Variants in RUFY2 observed in about 807,000 individuals in gnomAD.
The protein encoded by RUFY2 is RUN and FYVE domain-containing protein 2.
RUFY2 carries 49 observed loss-of-function variants against 94.4 expected under a neutral mutation model. The ratio of observed to expected loss-of-function variants is 0.52; its 90% CI spans 0.41 to 0.66. The LOEUF (loss-of-function observed/expected upper bound fraction) is 0.66, where lower values mean the gene tolerates loss of function less well. RUFY2 is among the 30% of genes least tolerant of loss of function. The pLI, the probability that RUFY2 is intolerant of heterozygous loss-of-function variation, is 0.00. For synonymous variants in RUFY2, 255 were observed against 235.7 expected, an observed-to-expected ratio of 1.08 and a Z score of -0.75; for missense variants, 541 against 692.8, an observed-to-expected ratio of 0.78 and a Z score of 2.46.
chr10:68,400,589 T>C (rs1196022388), intron 3 of RUFY2, among the ~76,000 whole-genome samples: 1 of 150,834 alleles, frequency 6.6e-6, no homozygotes, highest in East Asian at 2.0e-4. Context: ...GGCAGGAAAG[T>C]TGCTTGAACC....
At chr10:68,399,385 T>G (rs1294343643) in intron 3 of RUFY2, among the ~76,000 whole-genome samples, 1 of 152,218 alleles carries the variant, frequency 6.6e-6, no homozygotes, top group African/African-American at 2.4e-5. Flanking sequence ...AAATCCTGCC[T>G]CTGCCACTTT....
intron 13 of RUFY2, among the ~76,000 whole-genome samples, chr10:68,368,874 A>G (rs1270774575): frequency 6.6e-6 from 1 of 152,202 alleles, no homozygotes; most frequent in Non-Finnish European, 1.5e-5. Context: ...TTCCCGGGCC[A>G]AAGGGCCAGG....
At chr10:68,362,371 T>C (rs985321059) in intron 15 of RUFY2, among the ~76,000 whole-genome samples, 1 of 152,040 alleles carries the variant, frequency 6.6e-6, no homozygotes, top group Non-Finnish European at 1.5e-5. Context: ...AAAACGACTA[T>C]ATATTTTAAA....
intron 13 of RUFY2, among the ~76,000 whole-genome samples, chr10:68,367,580 G>A (rs1342342113): frequency 6.6e-6 from 1 of 152,042 alleles, no homozygotes; most frequent in African/African-American, 2.4e-5. Flanking sequence ...TCATCTTGCC[G>A]AGCAGCTGGG....
chr10:68,341,783 T>C (rs1238768477), downstream of RUFY2: 1 of 1,608,712 alleles, frequency 6.2e-7, no homozygotes, highest in East Asian at 2.2e-5. Context: ...TATGGATCAG[T>C]TGGAAGAATG....
At chr10:68,393,330 CATAAGA>C in intron 6 of RUFY2, 127 bp from the exon 7 acceptor site, 3 of 540,528 alleles carry the variant, frequency 5.6e-6, no homozygotes, top group Non-Finnish European at 9.6e-6. Flanking sequence ...TAAAATAAAA[CATAAGA>C]ATAATAGTAA....
downstream of RUFY2, chr10:68,341,162 C>T (rs200585611): frequency 6.6e-4 from 994 of 1,516,736 alleles, 6 homozygotes; most frequent in African/African-American, 0.013. Context: ...ATAAGTGTTT[C>T]CTTTTATTTA....
chr10:68,348,179 CAT>C (rs1445449623), intron 16 of RUFY2, among the ~76,000 whole-genome samples: 2 of 149,712 alleles, frequency 1.3e-5, no homozygotes, highest in African/African-American at 4.9e-5. Context: ...TAGCTTGAAT[CAT>C]AGAATTTTTT....
At chr10:68,385,387 C>T in intron 8 of RUFY2, among the ~76,000 whole-genome samples, 1 of 151,378 alleles carries the variant, frequency 6.6e-6, no homozygotes, top group Non-Finnish European at 1.5e-5. Context: ...TGATTTAATA[C>T]ATTAAAAAAA....
intron 7 of RUFY2, among the ~76,000 whole-genome samples, chr10:68,391,206 G>T (rs2049957049): frequency 6.6e-6 from 1 of 152,092 alleles, no homozygotes; most frequent in Non-Finnish European, 1.5e-5. Flanking sequence ...AAAGTGCTGG[G>T]ATTACAGGAG....
At position 68,362,238 on chromosome 10, in the gene RUFY2, G is replaced by C. The variant is rs573847181; in HGVS notation, c.1550+1352C>G. On this transcript the variant is annotated intron_variant, in intron 15 of 17. Transcript: ENST00000602465. ...GCTACTCCGGAGGCTTGAGGTGAGA[G>C]AATAGCGTGAGCCTGAGAGATCAAG... 5.3e-5 allele frequency among the ~76,000 whole-genome samples: 8 copies of C among 152,264 alleles called. No individual in the cohort carries two copies. The South Asian group carries it at 1.7e-3, about 32-fold the overall frequency.
At chr10:68,375,664 T>C (rs1171434242) in intron 13 of RUFY2, among the ~76,000 whole-genome samples, 3 of 151,234 alleles carry the variant, frequency 2.0e-5, no homozygotes, top group Admixed American at 6.6e-5. Flanking sequence ...TAGTCCCAGC[T>C]ACTCAGGAGG....
chr10:68,367,671 TTC>T (rs762047445), intron 13 of RUFY2, among the ~76,000 whole-genome samples: 55 of 150,514 alleles, frequency 3.7e-4, no homozygotes, highest in South Asian at 2.1e-4. Context: ...TTTTCTTTCT[TTC>T]TCTCTCTCCC....
chr10:68,348,930 T>G lies in RUFY2; in HGVS notation c.1600-2846A>C, dbSNP rs1279541553. On this transcript the variant is annotated intron_variant, in intron 16 of 17. Coordinates refer to ENST00000602465, the MANE Select transcript of RUFY2 (RefSeq NM_001330103.2). ...CTCTTGCTCTGCAAATAAACAGCAA[T>G]TTTTCTCTGCCCAATTCCAGAAAGT... Among the ~76,000 whole-genome samples, 3 of 152,216 alleles carry G rather than the reference T, an allele frequency of 2.0e-5. No individual in the cohort carries two copies. In the East Asian group the frequency reaches 5.8e-4, roughly 29 times the overall value.
At chr10:68,406,763 T>C (rs775908151) in intron 1 of RUFY2, 11 of 1,610,596 alleles carry the variant, frequency 6.8e-6, no homozygotes, top group African/African-American at 2.7e-5. Flanking sequence ...CCCAGGCTCC[T>C]GCGCGTCAGC....
chr10:68,398,043 C>T lies in RUFY2; in HGVS notation c.297-1162G>A, dbSNP rs577285431. Among the ~76,000 whole-genome samples the T allele has an allele frequency of 3.4e-5, 5 of 148,452 alleles. No homozygotes were observed. In the East Asian group the frequency reaches 1.0e-3, roughly 30 times the overall value. On this transcript the variant is annotated intron_variant, in intron 3 of 17. Transcript: ENST00000602465. ...TCAGGAGGCTGAGGCAGGAGAATCA[C>T]TGGAACCCGGGAGGCGGAGGGTACA...
chr10:68,402,878 C>T (rs2050963342), intron 2 of RUFY2, among the ~76,000 whole-genome samples: 1 of 45,996 alleles, frequency 2.2e-5, no homozygotes, highest in Admixed American at 2.7e-4. Context: ...GAGTCTCACT[C>T]TGTGTCTCCC....
intron 13 of RUFY2, among the ~76,000 whole-genome samples, chr10:68,367,350 C>T (rs1000431133): frequency 6.6e-6 from 1 of 152,194 alleles, no homozygotes; most frequent in Non-Finnish European, 1.5e-5. Flanking sequence ...CAGAGTCTTA[C>T]ACAACAAACC....
intron 10 of RUFY2, among the ~76,000 whole-genome samples, chr10:68,382,541 C>T (rs1190913940): frequency 3.3e-5 from 5 of 150,632 alleles, no homozygotes; most frequent in African/African-American, 1.2e-4. Flanking sequence ...GGTGAAACTC[C>T]GTCTCTACTA....
Sources: gnomAD v4.1 joint callset for allele counts (sites outside exome capture counted in the v4.1 genomes callset) on GRCh38, gnomAD v4.1.1 for gene constraint, MANE v1.5 for transcripts, NCBI Gene and HGNC (gene_info 2026-07-23, HGNC 2026-07-21) for gene names.